Variants in CD2AP observed in about 807,000 individuals in gnomAD.
The protein encoded by CD2AP is CD2 associated protein.
In CD2AP, 46 loss-of-function variants were observed where a neutral mutation model predicts 85.1. That is an observed-to-expected ratio of 0.54 (90% CI 0.43 to 0.69). The LOEUF is 0.69. Ranked by LOEUF, CD2AP falls within the 30% of genes least tolerant of loss-of-function variation. The pLI, the probability that CD2AP is intolerant of heterozygous loss-of-function variation, is 0.00. For missense variants in CD2AP, 769 were observed against 729.5 expected (o/e 1.05, Z -0.62); for synonymous variants, 255 against 252.9 (o/e 1.01, Z -0.08).
At position 47,503,266 on chromosome 6, in the gene CD2AP, T is replaced by C. The variant is rs762661708; in HGVS notation, c.5-14T>C. 7 of 1,612,414 alleles carry C rather than the reference T, an allele frequency of 4.3e-6. No homozygotes were observed. Among genetic ancestry groups the C allele is most frequent in the Admixed American group, 1.7e-5 (1 of 60,014 alleles). On this transcript the variant is annotated splice_polypyrimidine_tract_variant and intron_variant, in intron 1 of 17. Coordinates refer to ENST00000359314, the MANE Select transcript of CD2AP (RefSeq NM_012120.3). ...ATTAGATTTTAGACATTTCGTTTTTTCCCCCTTTTTTAGTTGACTATATTG... is the reference window on the plus strand; with the variant it reads ...ATTAGATTTTAGACATTTCGTTTTTCCCCCCTTTTTTAGTTGACTATATTG...
chr6:47,496,574 A>C (rs1765862543), intron 1 of CD2AP, among the ~76,000 whole-genome samples: 2 of 152,216 alleles, frequency 1.3e-5, no homozygotes, highest in Admixed American at 6.5e-5. Context: ...TTTTGCTGTA[A>C]TATTGAACAA....
At chr6:47,587,382 C>T (rs142001609) in intron 11 of CD2AP, among the ~76,000 whole-genome samples, 1 of 152,078 alleles carries the variant, frequency 6.6e-6, no homozygotes, top group East Asian at 1.9e-4. Flanking sequence ...AGTGATTCCC[C>T]GTTATTTCAT....
chr6:47,606,638 C>G (rs1329246480), intron 14 of CD2AP, among the ~76,000 whole-genome samples: 1 of 140,984 alleles, frequency 7.1e-6, no homozygotes, highest in Non-Finnish European at 1.5e-5. Flanking sequence ...CTGAAATATT[C>G]AGTGTTTTTT....
chr6:47,607,824 C>T, intron 14 of CD2AP, 103 bp from the exon 15 acceptor site: 1 of 716,986 alleles, frequency 1.4e-6, no homozygotes, highest in Non-Finnish European at 2.4e-6. Flanking sequence ...GCAACAGTAG[C>T]AGCTGAAAAT....
chr6:47,571,030 T>G (rs1768136582), intron 5 of CD2AP, among the ~76,000 whole-genome samples: 1 of 152,182 alleles, frequency 6.6e-6, no homozygotes, highest in African/African-American at 2.4e-5. Context: ...CTGCCTTTTT[T>G]TTTGTTTTAT....
chr6:47,478,130 G>A lies in CD2AP; in HGVS notation c.-115G>A. ...CTCTTCGCCCCGCCTGAGCTCAGGAGGGGCTAGCGCGGAGCGCGGGTCCCG... is the reference window on the plus strand; with the variant it reads ...CTCTTCGCCCCGCCTGAGCTCAGGAAGGGCTAGCGCGGAGCGCGGGTCCCG... On this transcript the variant is annotated 5_prime_UTR_variant, in exon 1 of 18. Transcript: ENST00000359314. The A allele has an allele frequency of 8.8e-6, 12 of 1,357,118 alleles. No homozygotes were observed. The South Asian group carries it at 1.1e-4, about 13-fold the overall frequency. The allele number at this position is 1,357,118 out of a possible 1,614,324, so 84.1% of individuals were successfully genotyped here. A position where few individuals can be genotyped will look rare whatever the true frequency, so the allele number is the denominator to read the frequency against.
At chr6:47,525,981 G>C (rs1766711637) in intron 2 of CD2AP, among the ~76,000 whole-genome samples, 2 of 152,080 alleles carry the variant, frequency 1.3e-5, no homozygotes, top group Non-Finnish European at 2.9e-5. Flanking sequence ...TACATCTCCT[G>C]AAGTTATTTT....
intron 5 of CD2AP, among the ~76,000 whole-genome samples, chr6:47,559,404 A>G (rs1177827529): frequency 1.3e-5 from 2 of 151,644 alleles, no homozygotes; most frequent in Admixed American, 6.6e-5. Context: ...GACTGTAGGT[A>G]TGCATCATGA....
intron 2 of CD2AP, 83 bp from the exon 3 acceptor site, chr6:47,533,519 C>G: frequency 1.6e-6 from 2 of 1,262,810 alleles, no homozygotes; most frequent in African/African-American, 3.0e-5. Context: ...ATTACTGTAG[C>G]TATTTTTTGG....
intron 2 of CD2AP, among the ~76,000 whole-genome samples, chr6:47,532,582 T>A (rs745318268): frequency 5.3e-5 from 8 of 152,138 alleles, no homozygotes; most frequent in Non-Finnish European, 8.8e-5. Flanking sequence ...AGTTTGTCTG[T>A]TTATGGATTT....
intron 5 of CD2AP, chr6:47,562,813 G>T (rs1422817194): frequency 7.8e-6 from 9 of 1,155,242 alleles, no homozygotes; most frequent in Non-Finnish European, 1.0e-5. Flanking sequence ...TGTCAAGTTG[G>T]TGGAGGCCCT....
intron 1 of CD2AP, among the ~76,000 whole-genome samples, chr6:47,500,725 C>T (rs1179608924): frequency 6.6e-6 from 1 of 150,986 alleles, no homozygotes; most frequent in African/African-American, 2.4e-5. Context: ...CATCCAGAGT[C>T]TGCAGGAGGC....
At chr6:47,592,595 C>T (rs143521974) in intron 11 of CD2AP, among the ~76,000 whole-genome samples, 212 of 152,196 alleles carry the variant, frequency 1.4e-3, no homozygotes, top group Non-Finnish European at 2.5e-3. Flanking sequence ...CTTTCAACCA[C>T]GTCTGAGTTT....
chr6:47,526,534 G>C (rs112804721), intron 2 of CD2AP, among the ~76,000 whole-genome samples: 3 of 152,172 alleles, frequency 2.0e-5, no homozygotes, highest in Non-Finnish European at 4.4e-5. Flanking sequence ...AATATTCTTA[G>C]ATATGATTAT....
At chr6:47,555,062 A>G (rs752847632) in intron 5 of CD2AP, among the ~76,000 whole-genome samples, 16 of 152,216 alleles carry the variant, frequency 1.1e-4, no homozygotes, top group Admixed American at 7.2e-4. Context: ...AGATATATTT[A>G]TATGCATTTT....
chr6:47,500,016 A>T (rs901881899), intron 1 of CD2AP, among the ~76,000 whole-genome samples: 63 of 152,328 alleles, frequency 4.1e-4, no homozygotes, highest in Middle Eastern at 3.4e-3. Flanking sequence ...GGCGTGAGCC[A>T]CTGCCCCTGC....
chr6:47,594,710 A>G (rs534866348), intron 11 of CD2AP, among the ~76,000 whole-genome samples: 2 of 152,136 alleles, frequency 1.3e-5, no homozygotes, highest in South Asian at 4.1e-4. Flanking sequence ...TTGAGGCCAT[A>G]TAAAAATAGA....
chr6:47,545,636 A>G (rs1167672132), intron 4 of CD2AP, among the ~76,000 whole-genome samples: 1 of 152,078 alleles, frequency 6.6e-6, no homozygotes, highest in East Asian at 1.9e-4. Context: ...CACCACTTCC[A>G]CCAGAGCAGG....
At chr6:47,573,784 A>G (rs1448442978) in intron 5 of CD2AP, among the ~76,000 whole-genome samples, 2 of 151,910 alleles carry the variant, frequency 1.3e-5, no homozygotes, top group East Asian at 1.9e-4. Context: ...CCACCACAAC[A>G]TGCTGTTTTT....
Sources: allele counts gnomAD v4.1 joint callset (sites outside exome capture counted in the v4.1 genomes callset), GRCh38; gene constraint gnomAD v4.1.1; transcripts MANE v1.5; gene names NCBI Gene and HGNC (gene_info 2026-07-23, HGNC 2026-07-21).